Variants in MAGT1 observed in about 807,000 individuals in gnomAD.
The protein encoded by MAGT1 is dolichyl-diphosphooligosaccharide--protein glycosyltransferase subunit MAGT1.
MAGT1 carries 4 observed loss-of-function variants against 28.4 expected under a neutral mutation model. That is an observed-to-expected ratio of 0.14 (90% CI 0.07 to 0.32). MAGT1 has a LOEUF of 0.32. MAGT1 is among the 10% of genes least tolerant of loss of function. The pLI, the probability that MAGT1 is intolerant of heterozygous loss-of-function variation, is 1.00. For missense variants in MAGT1, 193 were observed against 264.5 expected (o/e 0.73, Z 1.88); for synonymous variants, 89 against 89.7 (o/e 0.99, Z 0.04).
chrX:77,858,595 A>G (rs2076987223), intron 3 of MAGT1, among the ~76,000 whole-genome samples: 1 of 111,973 alleles, frequency 8.9e-6, no homozygotes, highest in Admixed American at 9.6e-5. Flanking sequence ...GCTTTCCCAT[A>G]AGGTGAGAGC....
chrX:77,885,319 T>A (rs2077064707), intron 1 of MAGT1: 1 of 106,423 alleles, frequency 9.4e-6, no homozygotes, highest in Non-Finnish European at 1.9e-5. Flanking sequence ...GGTCAGGAGT[T>A]CAAGACCAGC....
At chrX:77,882,737 A>G (rs2077055992) in intron 1 of MAGT1, among the ~76,000 whole-genome samples, 1 of 109,334 alleles carries the variant, frequency 9.1e-6, no homozygotes, top group Non-Finnish European at 1.9e-5. Flanking sequence ...GAGGCTGAGG[A>G]GTGAGGACTG....
chrX:77,889,751 G>A (rs2077077267), intron 1 of MAGT1, among the ~76,000 whole-genome samples: 2 of 111,422 alleles, frequency 1.8e-5, no homozygotes, highest in South Asian at 7.4e-4. Flanking sequence ...TGTAAAACGA[G>A]ATATCCATCT....
intron 7 of MAGT1, among the ~76,000 whole-genome samples, chrX:77,852,998 T>C (rs950818697): frequency 8.9e-6 from 1 of 112,243 alleles, no homozygotes; most frequent in Non-Finnish European, 1.9e-5. Flanking sequence ...TCAGTGCTTA[T>C]GTACTCAGGT....
intron 3 of MAGT1, among the ~76,000 whole-genome samples, chrX:77,865,465 G>GT (rs1377432945): frequency 1.3e-3 from 130 of 103,149 alleles, no homozygotes; most frequent in African/African-American, 2.7e-3. Context: ...AATTTTTGTT[G>GT]TTTTTTTTTT....
chrX:77,881,929 C>T (rs1374018262), intron 1 of MAGT1, among the ~76,000 whole-genome samples: 1 of 111,657 alleles, frequency 9.0e-6, no homozygotes, highest in Non-Finnish European at 1.9e-5. Flanking sequence ...TCCAGCAGCA[C>T]ATCAAAAAGC....
At chrX:77,881,656 G>C (rs1255938462) in intron 1 of MAGT1, among the ~76,000 whole-genome samples, 7 of 110,877 alleles carry the variant, frequency 6.3e-5, no homozygotes, top group Non-Finnish European at 1.1e-4. Context: ...TCTTAATCCA[G>C]GCTATCATTG....
At chrX:77,830,395 G>T (rs979943374) in intron 9 of MAGT1, among the ~76,000 whole-genome samples, 7 of 111,246 alleles carry the variant, frequency 6.3e-5, no homozygotes, top group Non-Finnish European at 5.7e-5. Context: ...TGAGGCGGGT[G>T]GATCACTTGA....
At chrX:77,883,005 T>C (rs1464215666) in intron 1 of MAGT1, among the ~76,000 whole-genome samples, 1 of 100,719 alleles carries the variant, frequency 9.9e-6, no homozygotes, top group Non-Finnish European at 2.0e-5. Flanking sequence ...TTTATATATA[T>C]TTATATATAT....
rs1557213672 is a variant in MAGT1 at position 77,834,266 on chromosome X, ATATG to A, written c.902-3375_902-3372del. Among the ~76,000 whole-genome samples, 35 of 98,509 alleles carry A rather than the reference ATATG, an allele frequency of 3.6e-4. 1 individual carries two copies. The highest frequency in any genetic ancestry group is 3.6e-3 in the East Asian group (11 of 3,097). 85.5% of individuals were successfully genotyped at this position (98,509 alleles called of 115,157 possible). ...TATGCATATATATACATGTGTGTAT[ATATG>A]CATATATGTATATATATGCATATAT... On this transcript the variant is annotated intron_variant, in intron 8 of 9. Transcript: ENST00000618282.
At chrX:77,845,251 A>G (rs1283349213) in intron 7 of MAGT1, among the ~76,000 whole-genome samples, 6 of 111,055 alleles carry the variant, frequency 5.4e-5, no homozygotes, top group Non-Finnish European at 3.8e-5. Context: ...GTTTTATCAG[A>G]GACTAGGATT....
chrX:77,841,238 T>C lies in MAGT1; in HGVS notation c.901+8A>G, dbSNP rs781924673. Reference sequence around the variant, plus strand: ...CAGCACTGTTACATTTTGAGTAAGGTGACTTACTCTTTCGCTTTCCAATAT... The same window carrying C: ...CAGCACTGTTACATTTTGAGTAAGGCGACTTACTCTTTCGCTTTCCAATAT... On this transcript the variant is annotated splice_region_variant and intron_variant, in intron 8 of 9. Transcript: ENST00000618282. The C allele has an allele frequency of 3.4e-6, 4 of 1,173,607 alleles. No individual in the cohort carries two copies. Among genetic ancestry groups the C allele is most frequent in the Admixed American group, 4.4e-5 (2 of 45,534 alleles).
chrX:77,880,454 G>A (rs1221338632), intron 1 of MAGT1, among the ~76,000 whole-genome samples: 3 of 108,924 alleles, frequency 2.8e-5, no homozygotes, highest in East Asian at 3.0e-4. Flanking sequence ...GCTTGAACCC[G>A]GGAGGTGGAG....
At chrX:77,852,478 A>C (rs1324801952) in intron 7 of MAGT1, among the ~76,000 whole-genome samples, 2 of 112,189 alleles carry the variant, frequency 1.8e-5, no homozygotes, top group African/African-American at 6.5e-5. Flanking sequence ...ACATTTACTA[A>C]AGATAGAATT....
chrX:77,886,062 A>G (rs373465380), intron 1 of MAGT1, among the ~76,000 whole-genome samples: 27 of 111,259 alleles, frequency 2.4e-4, no homozygotes, highest in African/African-American at 8.8e-4. Flanking sequence ...GCCCCAATAG[A>G]CACTCCTCCC....
intron 1 of MAGT1, among the ~76,000 whole-genome samples, chrX:77,876,164 A>ATT (rs1163646892): frequency 1.5e-3 from 37 of 24,968 alleles, no homozygotes; most frequent in South Asian, 4.6e-3. Context: ...ATATATATAT[A>ATT]TTTTTTTTTT....
chrX:77,877,183 T>C (rs1273750466), intron 1 of MAGT1, among the ~76,000 whole-genome samples: 1 of 109,188 alleles, frequency 9.2e-6, no homozygotes, highest in African/African-American at 3.3e-5. Flanking sequence ...AAAAAAAAAA[T>C]TGATATACTG....
intron 1 of MAGT1, among the ~76,000 whole-genome samples, chrX:77,892,024 T>C (rs2077084049): frequency 1.8e-5 from 2 of 110,060 alleles, no homozygotes; most frequent in Non-Finnish European, 3.8e-5. Context: ...CCTGAGTAGC[T>C]GGGACTACAG....
At chrX:77,859,073 C>T (rs1388045874) in intron 3 of MAGT1, among the ~76,000 whole-genome samples, 3 of 108,445 alleles carry the variant, frequency 2.8e-5, no homozygotes, top group Non-Finnish European at 3.8e-5. Context: ...CTGGGCGTGA[C>T]GGTGGGCACC....
Sources: gnomAD v4.1 joint callset for allele counts (sites outside exome capture counted in the v4.1 genomes callset) on GRCh38, gnomAD v4.1.1 for gene constraint, MANE v1.5 for transcripts, NCBI Gene and HGNC (gene_info 2026-07-23, HGNC 2026-07-21) for gene names.